C2orf69: variants seen among roughly 807,000 people sequenced by gnomAD.
The protein encoded by C2orf69 is chromosome 2 open reading frame 69.
In C2orf69, 19 loss-of-function variants were observed where a neutral mutation model predicts 29.5. That is an observed-to-expected ratio of 0.65 (90% confidence interval 0.45 to 0.95). The LOEUF is 0.95. Ranked by LOEUF, C2orf69 falls within the 40% of genes least tolerant of loss-of-function variation. The pLI is 0.00. For missense variants in C2orf69, 416 were observed against 482.1 expected (o/e 0.86, Z 1.28); for synonymous variants, 194 against 180.0 (o/e 1.08, Z -0.62).
chr2:199,927,902 CAT>C lies in C2orf69; in HGVS notation c.*2019_*2020del, dbSNP rs2077342010. Reference sequence around the variant, plus strand: ...TTAAAAATAATTTTAAAAAATCAGACATATTTAAAAATCTAGGTTGTCTATCC... The same window carrying C: ...TTAAAAATAATTTTAAAAAATCAGACATTTAAAAATCTAGGTTGTCTATCC... On this transcript the variant is annotated 3_prime_UTR_variant, in exon 2 of 2. Coordinates refer to ENST00000319974, the MANE Select transcript of C2orf69 (RefSeq NM_153689.6). 6.6e-6 allele frequency: 1 copy of C among 151,992 alleles called. No homozygotes were observed. The allele number at this position is 151,992 out of a possible 1,614,324, so 9.4% of individuals were successfully genotyped here.
chr2:199,923,061 C>T (rs1005642482), intron 1 of C2orf69, among the ~76,000 whole-genome samples: 2 of 152,222 alleles, frequency 1.3e-5, no homozygotes, highest in Non-Finnish European at 2.9e-5. Flanking sequence ...CAAGCTCCCA[C>T]CTCAGGGCGT....
intron 1 of C2orf69, among the ~76,000 whole-genome samples, chr2:199,913,357 A>AAT (rs1396706823): frequency 0.36 from 22,042 of 60,994 alleles, 5,137 homozygotes; most frequent in South Asian, 0.41. Flanking sequence ...TATTATATAT[A>AAT]ATATATTCTA....
At position 199,913,634 on chromosome 2, in the gene C2orf69, A is replaced by AG. The variant is rs201452865; in HGVS notation, c.333+1864dup. 8.4e-3 allele frequency among the ~76,000 whole-genome samples: 1,227 copies of AG among 146,248 alleles called. 9 individuals carry two copies. The highest frequency in any genetic ancestry group is 0.014 in the Middle Eastern group (4 of 280). On this transcript the variant is annotated intron_variant, in intron 1 of 1. Transcript: ENST00000319974. Reference sequence around the variant, plus strand: ...TTAGTTGACTGCTAATAAAAACTGGAGAAAAAAAAAGAGAATAAAGAAAAA... The same window carrying AG: ...TTAGTTGACTGCTAATAAAAACTGGAGGAAAAAAAAAGAGAATAAAGAAAAA...
chr2:199,926,357 C>G lies in C2orf69; in HGVS notation c.*471C>G. On this transcript the variant is annotated 3_prime_UTR_variant, in exon 2 of 2. Coordinates refer to ENST00000319974, the MANE Select transcript of C2orf69 (RefSeq NM_153689.6). ...TTCTATCATTTTGGAATAACTGCAC[C>G]CTGCCTTTTGTGTTTTTGTAAACTC... 1 of 158,646 alleles carries G rather than the reference C, an allele frequency of 6.3e-6. No individual in the cohort carries two copies. Among genetic ancestry groups the G allele is most frequent in the South Asian group, 1.8e-4 (1 of 5,668 alleles). The allele number at this position is 158,646 out of a possible 1,614,324, so 9.8% of individuals were successfully genotyped here.
chr2:199,916,015 A>G (rs977091298), intron 1 of C2orf69, among the ~76,000 whole-genome samples: 4 of 152,200 alleles, frequency 2.6e-5, no homozygotes, highest in African/African-American at 9.7e-5. Context: ...AAGGCCATAT[A>G]TATTAGTCCA....
chr2:199,925,025 T>C lies in C2orf69; in HGVS notation c.334-37T>C, dbSNP rs1440521526. 1 of 1,180,608 alleles carries C rather than the reference T, an allele frequency of 8.5e-7. No individual in the cohort carries two copies. Among genetic ancestry groups the C allele is most frequent in the Non-Finnish European group, 1.2e-6 (1 of 826,138 alleles). 73.1% of individuals were successfully genotyped at this position (1,180,608 alleles called of 1,614,324 possible). On this transcript the variant is annotated intron_variant, in intron 1 of 1. Coordinates refer to ENST00000319974, the MANE Select transcript of C2orf69 (RefSeq NM_153689.6). This position sits in a 1 kb window ranked among gnomAD's most constrained non-coding sequence, Gnocchi z 4.9. ...TTGTGGAAATCATTTTATGTAAATA[T>C]GTATTTAATACTTATTTCATCTTTC... is the stretch of plus-strand genomic sequence containing the variant.
At chr2:199,919,130 T>G (rs556719130) in intron 1 of C2orf69, among the ~76,000 whole-genome samples, 63 of 152,260 alleles carry the variant, frequency 4.1e-4, no homozygotes, top group African/African-American at 1.5e-3. Context: ...TTTTTAAAAT[T>G]TTTCGTAGAA....
chr2:199,920,394 G>A (rs1478935117), intron 1 of C2orf69, among the ~76,000 whole-genome samples: 1 of 151,996 alleles, frequency 6.6e-6, no homozygotes, highest in Admixed American at 6.6e-5. Flanking sequence ...GTGGAACCTG[G>A]GGCTAATCAA....
In C2orf69 at chr2:199,917,083, A is replaced by T. The variant is rs184100431; in HGVS notation, c.333+5312A>T. The stretch of plus-strand genomic sequence containing the variant: ...TTTATGCACCCACAGGCCCAACATC[A>T]CATGTAAGCTGCCAAGGCTTGGGCT... On this transcript the variant is annotated intron_variant, in intron 1 of 1. Transcript: ENST00000319974. Among the ~76,000 whole-genome samples, 14 of 152,294 alleles carry T rather than the reference A, an allele frequency of 9.2e-5. No homozygotes were observed. The East Asian group carries it at 2.5e-3, about 27-fold the overall frequency.
chr2:199,925,861 A>G lies in C2orf69; in HGVS notation c.1133A>G (p.His378Arg). ...AAGGAAGCTCCTTCCATAGAGAATC[A>G]CTTCAGGGTTCATGAAGTATTTTGA... Reference protein sequence around the residue: ...FTKEAPSIENHFRVHEVF With the variant: ...FTKEAPSIENRFRVHEVF The change falls in exon 2 of 2, where the codon CAC becomes CGC. Residue 378 changes from histidine (H) to arginine (R), a missense_variant. By Grantham distance (29) the His-to-Arg change is conservative (BLOSUM62 0). Around this residue, in one of 4 missense-constraint regions of C2orf69, gnomAD observed 14 missense variants for 16.6 expected, o/e 0.84. Transcript: ENST00000319974. The surrounding 1 kb of genome is among the most constrained non-coding windows in gnomAD (Gnocchi z 4.9). 6.2e-7 allele frequency: 1 copy of G among 1,612,318 alleles called. No individual in the cohort carries two copies. Among genetic ancestry groups the G allele is most frequent in the Non-Finnish European group, 8.5e-7 (1 of 1,178,730 alleles).
In C2orf69 at chr2:199,911,328, G is replaced by A. The variant is rs925068545; in HGVS notation, c.-111G>A. 7.7e-7 allele frequency: 1 copy of A among 1,291,804 alleles called. No homozygotes were observed. Among genetic ancestry groups the A allele is most frequent in the Non-Finnish European group, 1.0e-6 (1 of 1,001,924 alleles). The allele number at this position is 1,291,804 out of a possible 1,614,324, so 80.0% of individuals were successfully genotyped here. A position where few individuals can be genotyped will look rare whatever the true frequency, so the allele number is the denominator to read the frequency against. ...GTCGCCTCAGCGCCGGCTCCCGGCC[G>A]GGCCGCGGCCGCCGACCGTTGAGCC... On this transcript the variant is annotated 5_prime_UTR_variant, in exon 1 of 2. Coordinates refer to ENST00000319974, the MANE Select transcript of C2orf69 (RefSeq NM_153689.6).
rs1559296000 is a variant in C2orf69, at chr2:199,926,982, A to G, written c.*1096A>G. The G allele has an allele frequency of 1.3e-5, 2 of 152,640 alleles. No individual in the cohort carries two copies. Among genetic ancestry groups the G allele is most frequent in the Non-Finnish European group, 2.9e-5 (2 of 68,034 alleles). 9.5% of individuals were successfully genotyped at this position (152,640 alleles called of 1,614,324 possible). On this transcript the variant is annotated 3_prime_UTR_variant, in exon 2 of 2. Coordinates refer to ENST00000319974, the MANE Select transcript of C2orf69 (RefSeq NM_153689.6). ...TCCAGAAGCATGATTTTGTCTGCCA[A>G]AAGAAAATAGCTCTCTTTGGCCAAA...
At chr2:199,924,009 A>G (rs2077327010) in intron 1 of C2orf69, among the ~76,000 whole-genome samples, 1 of 152,206 alleles carries the variant, frequency 6.6e-6, no homozygotes, top group Non-Finnish European at 1.5e-5. Context: ...AAAAGTCAGT[A>G]TGAGTAAAAT....
At chr2:199,916,625 A>G (rs983595404) in intron 1 of C2orf69, among the ~76,000 whole-genome samples, 1 of 152,248 alleles carries the variant, frequency 6.6e-6, no homozygotes, top group African/African-American at 2.4e-5. Flanking sequence ...CAAATGGGAG[A>G]AATGGACCAA....
rs1225702664 is a variant in C2orf69, at chr2:199,911,411, C to T, written c.-28C>T. On this transcript the variant is annotated 5_prime_UTR_variant, in exon 1 of 2. Transcript: ENST00000319974. Reference sequence around the variant, plus strand: ...CAGGAACCCCTCCGCCACCCTCCACCTCCGAACCGCTCTCGCGGCGGCGAC... The same window carrying T: ...CAGGAACCCCTCCGCCACCCTCCACTTCCGAACCGCTCTCGCGGCGGCGAC... 4 of 1,493,322 alleles carry T rather than the reference C, an allele frequency of 2.7e-6. No individual in the cohort carries two copies. The highest frequency in any genetic ancestry group is 2.6e-5 in the South Asian group (2 of 75,752). 92.5% of individuals were successfully genotyped at this position (1,493,322 alleles called of 1,614,324 possible). A position where few individuals can be genotyped will look rare whatever the true frequency, so the allele number is the denominator to read the frequency against.
At position 199,911,710 on chromosome 2, in the gene C2orf69, CGAA is replaced by C; in HGVS notation, c.274_276del (p.Lys92del). On this transcript the variant is annotated inframe_deletion, in exon 1 of 2. Transcript: ENST00000319974. ...CGGCAGGACCTCCCCGGGGACCCAGCGAAGGAGGAGCCGCAGCCGCCGCCCCAG... is the reference window on the plus strand; with the variant it reads ...CGGCAGGACCTCCCCGGGGACCCAGCGGAGGAGCCGCAGCCGCCGCCCCAG... The C allele has an allele frequency of 6.5e-7, 1 of 1,545,100 alleles. No homozygotes were observed. The highest frequency in any genetic ancestry group is 8.7e-7 in the Non-Finnish European group (1 of 1,146,910).
intron 1 of C2orf69, among the ~76,000 whole-genome samples, chr2:199,917,618 A>G (rs1339668164): frequency 1.3e-5 from 2 of 152,182 alleles, no homozygotes; most frequent in African/African-American, 2.4e-5. Context: ...AGACCAGTGC[A>G]GCCTAGACTT....
rs1274797283 is a variant in C2orf69, at chr2:199,911,324, G to T, written c.-115G>T. The stretch of plus-strand genomic sequence containing the variant: ...CGTCGTCGCCTCAGCGCCGGCTCCC[G>T]GCCGGGCCGCGGCCGCCGACCGTTG... On this transcript the variant is annotated 5_prime_UTR_variant, in exon 1 of 2. Coordinates refer to ENST00000319974, the MANE Select transcript of C2orf69 (RefSeq NM_153689.6). 7.9e-7 allele frequency: 1 copy of T among 1,272,596 alleles called. No homozygotes were observed. The highest frequency in any genetic ancestry group is 1.0e-6 in the Non-Finnish European group (1 of 984,848). The allele number at this position is 1,272,596 out of a possible 1,614,324, so 78.8% of individuals were successfully genotyped here.
intron 1 of C2orf69, among the ~76,000 whole-genome samples, chr2:199,915,102 A>T (rs1407182698): frequency 6.6e-6 from 1 of 152,202 alleles, no homozygotes; most frequent in Non-Finnish European, 1.5e-5. Flanking sequence ...TGCATGAAAT[A>T]CTTGAAATGT....
Sources: allele counts gnomAD v4.1 joint callset (sites outside exome capture counted in the v4.1 genomes callset), GRCh38; gene constraint gnomAD v4.1.1; regional missense constraint gnomAD v4.1.1; non-coding constraint Gnocchi (gnomAD v3.1); transcripts MANE v1.5; gene names NCBI Gene and HGNC (gene_info 2026-07-23, HGNC 2026-07-21).